ADAMTS20: variants seen among roughly 807,000 people sequenced by gnomAD.
ADAMTS20 encodes ADAM metallopeptidase with thrombospondin type 1 motif 20, also known as A disintegrin and metalloproteinase with thrombospondin motifs 20.
In ADAMTS20, 225 loss-of-function variants were observed where a neutral mutation model predicts 260.1. The ratio of observed to expected loss-of-function variants is 0.87; its 90% confidence interval spans 0.78 to 0.97. The LOEUF is 0.97. ADAMTS20 is among the 50% of genes least tolerant of loss of function. The pLI, the probability that ADAMTS20 is intolerant of heterozygous loss-of-function variation, is 0.00. For synonymous variants in ADAMTS20, 802 were observed against 769.5 expected, an observed-to-expected ratio of 1.04 and a Z score of -0.70; for missense variants, 2,400 against 2,337.7, an observed-to-expected ratio of 1.03 and a Z score of -0.55.
intron 29 of ADAMTS20, among the ~76,000 whole-genome samples, chr12:43,384,348 A>C (rs115256098): frequency 5.1e-4 from 78 of 152,274 alleles, no homozygotes; most frequent in African/African-American, 1.7e-3. Context: ...CTTAGACTAT[A>C]CTCATTATCT....
intron 3 of ADAMTS20, among the ~76,000 whole-genome samples, chr12:43,522,675 C>T (rs1312519342): frequency 1.3e-5 from 2 of 152,148 alleles, no homozygotes; most frequent in Admixed American, 6.5e-5. Context: ...TCCTTCCTCA[C>T]TTGGGTTTCT....
At chr12:43,514,086 T>TAAAAAAAAAAAAAAAAAAAAA (rs71091163) in intron 3 of ADAMTS20, among the ~76,000 whole-genome samples, 1 of 100,572 alleles carries the variant, frequency 9.9e-6, no homozygotes, top group Non-Finnish European at 2.0e-5. Flanking sequence ...GAATAAACTC[T>TAAAAAAAAAAAAAAAAAAAAA]AAAAAAAAAA....
At chr12:43,373,061 T>G (rs1332465983) in intron 36 of ADAMTS20, among the ~76,000 whole-genome samples, 4 of 152,234 alleles carry the variant, frequency 2.6e-5, no homozygotes, top group African/African-American at 9.6e-5. Flanking sequence ...TTAGTACTCA[T>G]GTGTTTAAAA....
intron 11 of ADAMTS20, among the ~76,000 whole-genome samples, chr12:43,455,777 C>T (rs1009722420): frequency 1.3e-5 from 2 of 151,116 alleles, no homozygotes; most frequent in Non-Finnish European, 2.9e-5. Context: ...GGCGTGATCA[C>T]AGCTTACCGC....
In ADAMTS20 at chr12:43,434,225, A is replaced by T; in HGVS notation, c.2720+20T>A. The T allele has an allele frequency of 1.9e-6, 3 of 1,554,920 alleles. No individual in the cohort carries two copies. The highest frequency in any genetic ancestry group is 2.6e-6 in the Non-Finnish European group (3 of 1,146,940). Reference sequence around the variant, plus strand: ...GCTCACTTATTAATCTGGTTATATTACATATTATTTCTCTTTTACCTTAGT... The same window carrying T: ...GCTCACTTATTAATCTGGTTATATTTCATATTATTTCTCTTTTACCTTAGT... On this transcript the variant is annotated intron_variant, in intron 19 of 38. Transcript: ENST00000389420.
intron 3 of ADAMTS20, among the ~76,000 whole-genome samples, chr12:43,511,200 C>T (rs1942919232): frequency 6.6e-6 from 1 of 152,070 alleles, no homozygotes; most frequent in Admixed American, 6.6e-5. Context: ...CAAAATTAGA[C>T]ACGGAGTCTC....
intron 27 of ADAMTS20, among the ~76,000 whole-genome samples, chr12:43,425,897 AT>A (rs1359682066): frequency 6.6e-6 from 1 of 152,166 alleles, no homozygotes; most frequent in African/African-American, 2.4e-5. Flanking sequence ...AGACAAAAAA[AT>A]AAATCAAAGT....
At chr12:43,521,010 C>T (rs1313623650) in intron 3 of ADAMTS20, among the ~76,000 whole-genome samples, 1 of 152,174 alleles carries the variant, frequency 6.6e-6, no homozygotes, top group African/African-American at 2.4e-5. Context: ...TTGCAAGAAG[C>T]ATGTATATTC....
chr12:43,431,285 T>G (rs12320797), intron 22 of ADAMTS20, 47 bp downstream of exon 22: 2 of 1,584,636 alleles, frequency 1.3e-6, no homozygotes, highest in Non-Finnish European at 1.7e-6. Flanking sequence ...TTTTGTGCTA[T>G]TCTGTAAAGA....
At chr12:43,416,999 C>T (rs1216527275) in intron 28 of ADAMTS20, among the ~76,000 whole-genome samples, 1 of 152,142 alleles carries the variant, frequency 6.6e-6, no homozygotes, top group Admixed American at 6.6e-5. Context: ...CCTATGACAT[C>T]CTTTTCTGGC....
At chr12:43,412,998 A>T (rs1473330913) in intron 28 of ADAMTS20, among the ~76,000 whole-genome samples, 2 of 151,664 alleles carry the variant, frequency 1.3e-5, no homozygotes, top group Non-Finnish European at 2.9e-5. Context: ...TTTAGTAGAG[A>T]TGGGGTTTCA....
chr12:43,517,035 T>C (rs185900496), intron 3 of ADAMTS20, among the ~76,000 whole-genome samples: 7 of 152,194 alleles, frequency 4.6e-5, no homozygotes, highest in African/African-American at 1.7e-4. Flanking sequence ...ATAAAGATTC[T>C]TAGTAAACTA....
intron 2 of ADAMTS20, among the ~76,000 whole-genome samples, chr12:43,538,388 G>C (rs1943326423): frequency 1.3e-5 from 2 of 152,138 alleles, no homozygotes; most frequent in South Asian, 4.1e-4. Context: ...CTATAAAGTT[G>C]TTTGAACTCC....
At position 43,452,468 on chromosome 12, in the gene ADAMTS20, A is replaced by G. The variant is rs753274206; in HGVS notation, c.1942+46T>C. On this transcript the variant is annotated intron_variant, in intron 13 of 38. Transcript: ENST00000389420. ...TATAATAATAAAGCTATGTGTTCTT[A>G]CGTCTCAGAAAAATTTACATCAAAG... 3 of 1,606,728 alleles carry G rather than the reference A, an allele frequency of 1.9e-6. No individual in the cohort carries two copies. The African/African-American group carries it at 4.0e-5, about 22-fold the overall frequency.
chr12:43,410,103 G>T (rs934265247), intron 28 of ADAMTS20, among the ~76,000 whole-genome samples: 1 of 151,672 alleles, frequency 6.6e-6, no homozygotes, highest in Non-Finnish European at 1.5e-5. Flanking sequence ...TGCACCTCTC[G>T]TTTTTTTTCA....
intron 19 of ADAMTS20, among the ~76,000 whole-genome samples, chr12:43,433,494 G>T (rs1941488824): frequency 6.6e-6 from 1 of 152,056 alleles, no homozygotes; most frequent in Non-Finnish European, 1.5e-5. Flanking sequence ...ACTTATATAG[G>T]CAGTTCTACT....
chr12:43,440,314 A>C (rs1018746170), intron 16 of ADAMTS20, among the ~76,000 whole-genome samples: 27 of 151,814 alleles, frequency 1.8e-4, no homozygotes, highest in African/African-American at 6.3e-4. Context: ...ACGCCTGGCT[A>C]ATTTTTGTAT....
chr12:43,380,714 C>A (rs1344434617), intron 31 of ADAMTS20, among the ~76,000 whole-genome samples: 1 of 152,072 alleles, frequency 6.6e-6, no homozygotes, highest in African/African-American at 2.4e-5. Context: ...GATTTGCACA[C>A]TATAAGACAC....
Position 43,467,842 on chromosome 12 carries a change from C to G in ADAMTS20, c.1223+758G>C, listed in dbSNP as rs142058956. Among the ~76,000 whole-genome samples the G allele has an allele frequency of 1.1e-3, 162 of 152,176 alleles. 1 individual carries two copies. The East Asian group carries it at 0.012, about 11-fold the overall frequency. Reference sequence around the variant, plus strand: ...CCCCTTGAATGTTCTAATGATTTCTCAAGGCATGACTAGGAAATTAAATGT... The same window carrying G: ...CCCCTTGAATGTTCTAATGATTTCTGAAGGCATGACTAGGAAATTAAATGT... On this transcript the variant is annotated intron_variant, in intron 8 of 38. Coordinates refer to ENST00000389420, the MANE Select transcript of ADAMTS20 (RefSeq NM_025003.5).
Sources: allele counts gnomAD v4.1 joint callset (sites outside exome capture counted in the v4.1 genomes callset), GRCh38; gene constraint gnomAD v4.1.1; transcripts MANE v1.5; gene names NCBI Gene and HGNC (gene_info 2026-07-23, HGNC 2026-07-21).